The following URAD variants were observed in gnomAD, a reference collection of about 807,000 sequenced individuals.
URAD encodes the protein ureidoimidazoline (2-oxo-4-hydroxy-4-carboxy-5-) decarboxylase.
In URAD, 4 loss-of-function variants were observed where a neutral mutation model predicts 4.6. The ratio of observed to expected loss-of-function variants is 0.87; its 90% CI spans 0.43 to 1.98. The LOEUF is 1.98. URAD is among the 30% of genes most tolerant of loss of function. The probability of loss-of-function intolerance (pLI) is 0.03; values close to 1 mark genes in which losing one functional copy is unlikely to be tolerated. For missense variants in URAD, 300 were observed against 255.3 expected (o/e 1.18, Z -1.19); for synonymous variants, 144 against 118.2 (o/e 1.22, Z -1.41).
rs986234736 is a variant in URAD, at chr13:27,977,720, G to A, written c.*386C>T. ...AAGAGAAAAACAGACAAACCGCTGT[G>A]GCATAAAAGATTCCTTTTCCGTCCG... On this transcript the variant is annotated 3_prime_UTR_variant, in exon 2 of 2. Transcript: ENST00000332715. 5.6e-5 allele frequency: 12 copies of A among 214,488 alleles called. No homozygotes were observed. The highest frequency in any genetic ancestry group is 1.0e-4 in the Non-Finnish European group (11 of 109,140). 13.3% of individuals were successfully genotyped at this position (214,488 alleles called of 1,614,324 possible).
chr13:27,982,265 C>T (rs927163132), intron 1 of URAD, among the ~76,000 whole-genome samples: 49 of 152,160 alleles, frequency 3.2e-4, no homozygotes, highest in African/African-American at 1.1e-3. Context: ...CTCGTCTCTA[C>T]TAAAAATACA....
chr13:27,981,049 C>G (rs1593190854), intron 1 of URAD, among the ~76,000 whole-genome samples: 4 of 151,102 alleles, frequency 2.6e-5, no homozygotes, highest in Middle Eastern at 3.4e-3. Flanking sequence ...CTCTCTCTCT[C>G]TCTGTCTCTT....
intron 1 of URAD, among the ~76,000 whole-genome samples, chr13:27,981,793 T>C (rs1869884721): frequency 1.3e-5 from 2 of 152,310 alleles, no homozygotes; most frequent in South Asian, 4.1e-4. Flanking sequence ...ATTTCAAATA[T>C]CTATTTCTCC....
chr13:27,977,747 T>G lies in URAD; in HGVS notation c.*359A>C. On this transcript the variant is annotated 3_prime_UTR_variant, in exon 2 of 2. Coordinates refer to ENST00000332715, the MANE Select transcript of URAD (RefSeq NM_001105577.2). ...CATAAAAGATTCCTTTTCCGTCCGT[T>G]TTGCTTTGCAGTTCGGGCTTAGCAG... 1 of 270,218 alleles carries G rather than the reference T, an allele frequency of 3.7e-6. No homozygotes were observed. Among genetic ancestry groups the G allele is most frequent in the Non-Finnish European group, 6.9e-6 (1 of 143,972 alleles). 16.7% of individuals were successfully genotyped at this position (270,218 alleles called of 1,614,324 possible).
chr13:27,978,482 C>T (rs1414724516), intron 1 of URAD, 30 bp from the exon 2 acceptor site: 2 of 1,292,052 alleles, frequency 1.5e-6, no homozygotes, highest in South Asian at 4.7e-5. Flanking sequence ...CCGGCGGGAG[C>T]GCGTCAACCG....
chr13:27,985,474 A>G (rs371440058), intron 1 of URAD, among the ~76,000 whole-genome samples: 72 of 152,262 alleles, frequency 4.7e-4, no homozygotes, highest in African/African-American at 1.7e-3. Flanking sequence ...AATAAAAAAT[A>G]AAAAAGCCTA....
chr13:27,982,010 G>A (rs988692822), intron 1 of URAD, among the ~76,000 whole-genome samples: 4 of 151,934 alleles, frequency 2.6e-5, no homozygotes, highest in South Asian at 2.1e-4. Context: ...GTCACGTTTC[G>A]AGCCACTGTA....
chr13:27,981,112 C>G (rs1001391420), intron 1 of URAD, among the ~76,000 whole-genome samples: 4 of 151,698 alleles, frequency 2.6e-5, no homozygotes, highest in African/African-American at 9.7e-5. Flanking sequence ...GATGGTAGCT[C>G]GGAAGAAACA....
At chr13:27,986,209 G>A (rs573889518) in intron 1 of URAD, among the ~76,000 whole-genome samples, 5 of 152,314 alleles carry the variant, frequency 3.3e-5, no homozygotes, top group African/African-American at 4.8e-5. Context: ...GTGTGGGGAA[G>A]GGGGTAATGC....
Position 27,988,589 on chromosome 13 carries a change from C to T in URAD, c.49G>A (p.Val17Met). Residue 17 changes from valine (V) to methionine (M), a missense_variant, in exon 1 of 2, where the codon GTG becomes ATG. Transcript: ENST00000332715. ...NSMDLGEFVD[V>M]FGNATERCPL... ...CATCTCTCAGTGGCATTCCCAAACA[C>T]ATCCACGAATTCTCCAAGGTCCATG... 6.2e-7 allele frequency: 1 copy of T among 1,613,790 alleles called. No individual in the cohort carries two copies. Among genetic ancestry groups the T allele is most frequent in the South Asian group, 1.1e-5 (1 of 91,052 alleles).
Position 27,978,147 on chromosome 13 carries a change from G to A in URAD, c.481C>T (p.Arg161Cys), listed in dbSNP as rs745450481. ...TCTGCGCGGAGGAGGTCGGCCAGGC[G>A]CAGGCTGCCGATCTTCTTCACCTCG... ...LGEVKKIGSL[R>C]LADLLRADPA... Residue 161 changes from arginine to cysteine, a missense_variant, in exon 2 of 2, where the codon CGC (arginine) becomes TGC (cysteine). Transcript: ENST00000332715. 1.2e-5 allele frequency: 18 copies of A among 1,530,646 alleles called. No homozygotes were observed. The highest frequency in any genetic ancestry group is 1.1e-5 in the Non-Finnish European group (13 of 1,151,784). 94.8% of individuals were successfully genotyped at this position (1,530,646 alleles called of 1,614,324 possible).
Position 27,978,196 on chromosome 13 carries a change from C to A in URAD, c.432G>T (p.Ala144=). 1 of 1,500,492 alleles carries A rather than the reference C, an allele frequency of 6.7e-7. No individual in the cohort carries two copies. Among genetic ancestry groups the A allele is most frequent in the Admixed American group, 2.3e-5 (1 of 44,102 alleles). The allele number at this position is 1,500,492 out of a possible 1,614,324, so 92.9% of individuals were successfully genotyped here. A position where few individuals can be genotyped will look rare whatever the true frequency, so the allele number is the denominator to read the frequency against. Residue 144 remains alanine (A), a synonymous_variant, in exon 2 of 2, where the codon GCG becomes GCT. Coordinates refer to ENST00000332715, the MANE Select transcript of URAD (RefSeq NM_001105577.2). ...CGCCCAGAGCAGTGCGCAGCTCCTG[C>A]GCGGACGGGCAGAGCAGCCGGCGCG... ...ELARRLLCPS[A]QELRTALGEV...
intron 1 of URAD, among the ~76,000 whole-genome samples, chr13:27,986,387 C>CG (rs1870029241): frequency 6.6e-6 from 1 of 152,136 alleles, no homozygotes; most frequent in African/African-American, 2.4e-5. Context: ...GCCTCGGGAG[C>CG]GGGGGTTGCC....
chr13:27,978,987 C>T (rs1869803519), intron 1 of URAD, among the ~76,000 whole-genome samples: 1 of 152,084 alleles, frequency 6.6e-6, no homozygotes, highest in Non-Finnish European at 1.5e-5. Flanking sequence ...CGGACAGGGG[C>T]GGGGTGCATC....
rs1348561421 is a variant in URAD, at chr13:27,978,123, C to A, written c.505G>T (p.Asp169Tyr). The change falls in exon 2 of 2, where the codon GAC becomes TAC. Residue 169 changes from aspartate (D) to tyrosine (Y), a missense_variant. Asp to Tyr is a radical substitution (Grantham distance 160). Transcript: ENST00000332715. The stretch of plus-strand genomic sequence containing the variant: ...CGCGGCAGCTACAGCTTGGCGGGGT[C>A]TGCGCGGAGGAGGTCGGCCAGGCGC... ...SLRLADLLRA[D>Y]PAKL 2 of 1,522,070 alleles carry A rather than the reference C, an allele frequency of 1.3e-6. No homozygotes were observed. The highest frequency in any genetic ancestry group is 1.7e-6 in the Non-Finnish European group (2 of 1,148,552). 94.3% of individuals were successfully genotyped at this position (1,522,070 alleles called of 1,614,324 possible).
intron 1 of URAD, among the ~76,000 whole-genome samples, chr13:27,986,634 C>T (rs1870035829): frequency 6.6e-6 from 1 of 152,238 alleles, no homozygotes; most frequent in Non-Finnish European, 1.5e-5. Context: ...GCGATCCTAG[C>T]TTTCTCTCTC....
At position 27,977,850 on chromosome 13, in the gene URAD, A is replaced by C. The variant is rs953195650; in HGVS notation, c.*256T>G. 1.2e-5 allele frequency: 5 copies of C among 432,780 alleles called. No homozygotes were observed. The highest frequency in any genetic ancestry group is 8.3e-5 in the African/African-American group (4 of 48,298). 26.8% of individuals were successfully genotyped at this position (432,780 alleles called of 1,614,324 possible). On this transcript the variant is annotated 3_prime_UTR_variant, in exon 2 of 2. Coordinates refer to ENST00000332715, the MANE Select transcript of URAD (RefSeq NM_001105577.2). Reference sequence around the variant, plus strand: ...GTGTCGGGGGCCGCAAAGGGAGTGAAGAATTGAAGCAGTGAGCTGGATAAA... The same window carrying C: ...GTGTCGGGGGCCGCAAAGGGAGTGACGAATTGAAGCAGTGAGCTGGATAAA...
At chr13:27,979,671 G>C (rs1430818060) in intron 1 of URAD, among the ~76,000 whole-genome samples, 1 of 152,192 alleles carries the variant, frequency 6.6e-6, no homozygotes, top group South Asian at 2.1e-4. Flanking sequence ...GAATAGGCGT[G>C]GGGTCTGTTG....
chr13:27,984,216 A>G (rs1593191912), intron 1 of URAD, among the ~76,000 whole-genome samples: 1 of 152,200 alleles, frequency 6.6e-6, no homozygotes, highest in East Asian at 1.9e-4. Flanking sequence ...GCCAGCGGAA[A>G]TGCACAGTTA....
Sources: gnomAD v4.1 joint callset for allele counts (sites outside exome capture counted in the v4.1 genomes callset) on GRCh38, gnomAD v4.1.1 for gene constraint, MANE v1.5 for transcripts, NCBI Gene and HGNC (gene_info 2026-07-23, HGNC 2026-07-21) for gene names.